The following HECTD4 variants were observed in gnomAD, a reference collection of about 807,000 sequenced individuals.
HECTD4 encodes probable E3 ubiquitin-protein ligase HECTD4.
A neutral mutation model predicts 471.5 loss-of-function variants in HECTD4; 114 were observed. The ratio of observed to expected loss-of-function variants is 0.24; its 90% confidence interval spans 0.21 to 0.28. HECTD4 has a LOEUF of 0.28. Ranked by LOEUF, HECTD4 falls within the 10% of genes least tolerant of loss-of-function variation. The probability of loss-of-function intolerance (pLI) is 1.00; values close to 1 mark genes in which losing one functional copy is unlikely to be tolerated. For missense variants in HECTD4, 3,866 were observed against 5,651.5 expected, an observed-to-expected ratio of 0.68 and a Z score of 10.13; for synonymous variants, 2,012 against 2,256.0, an observed-to-expected ratio of 0.89 and a Z score of 3.07.
At chr12:112,186,919 C>T (rs2031887116) in intron 60 of HECTD4, among the ~76,000 whole-genome samples, 1 of 152,144 alleles carries the variant, frequency 6.6e-6, no homozygotes, top group Non-Finnish European at 1.5e-5. Context: ...CCGTGTGCCT[C>T]AGCCTCCCAA....
intron 55 of HECTD4, among the ~76,000 whole-genome samples, chr12:112,199,217 T>G (rs1036883870): frequency 2.6e-5 from 4 of 152,222 alleles, no homozygotes; most frequent in African/African-American, 9.6e-5. Context: ...AGGACCCCTG[T>G]TGAAGAAACA....
intron 54 of HECTD4, chr12:112,203,336 A>G (rs1484905034): frequency 1.3e-5 from 3 of 232,172 alleles, no homozygotes; most frequent in Non-Finnish European, 2.5e-5. Flanking sequence ...ACTTGGGTAG[A>G]TATAATGCAG....
chr12:112,265,825 AACTAACG>A, intron 15 of HECTD4, 46 bp downstream of exon 15: 2 of 1,340,890 alleles, frequency 1.5e-6, no homozygotes, highest in Non-Finnish European at 2.1e-6. Context: ...TTTAAATGTA[AACTAACG>A]ACTGAGAACA....
intron 1 of HECTD4, among the ~76,000 whole-genome samples, chr12:112,366,874 C>CT (rs1411735365): frequency 7.3e-6 from 1 of 137,312 alleles, no homozygotes; most frequent in Non-Finnish European, 1.5e-5. Context: ...GAGTGAAACT[C>CT]TGTCTCAAAA....
chr12:112,370,364 C>T (rs1179813224), intron 1 of HECTD4, among the ~76,000 whole-genome samples: 1 of 152,042 alleles, frequency 6.6e-6, no homozygotes, highest in African/African-American at 2.4e-5. Flanking sequence ...CCTTAAGCCA[C>T]GAAATTTGTG....
chr12:112,339,028 A>C (rs539443749), intron 1 of HECTD4, among the ~76,000 whole-genome samples: 9 of 152,144 alleles, frequency 5.9e-5, no homozygotes, highest in African/African-American at 2.2e-4. Flanking sequence ...ACCATATAGG[A>C]TAACATTTAC....
chr12:112,197,114 G>T (rs1040448359), intron 55 of HECTD4, among the ~76,000 whole-genome samples: 1 of 151,866 alleles, frequency 6.6e-6, no homozygotes, highest in African/African-American at 2.4e-5. Flanking sequence ...GTCTCTCTAT[G>T]TTGCCCAGAC....
Position 112,230,699 on chromosome 12 carries a change from T to G in HECTD4, c.6324A>C (p.Thr2108=), listed in dbSNP as rs774493536. The change falls in exon 40 of 76, where the codon ACA becomes ACC. Residue 2108 remains threonine, a synonymous_variant. Transcript: ENST00000682272. ...ACACTGCGCTAACCTTCTCTGCTGT[T>G]GTGGTCCATATTTGAGCAGCATTTG... ...PESNAAQIWT[T]TAEKVLSRAL... 1.9e-6 allele frequency: 3 copies of G among 1,610,654 alleles called. No homozygotes were observed. Among genetic ancestry groups the G allele is most frequent in the Non-Finnish European group, 2.5e-6 (3 of 1,178,366 alleles).
chr12:112,300,594 G>A (rs1275641061), intron 7 of HECTD4, among the ~76,000 whole-genome samples: 1 of 152,038 alleles, frequency 6.6e-6, no homozygotes, highest in Non-Finnish European at 1.5e-5. Context: ...AGTCTTTCCT[G>A]TATTGTTTCT....
In HECTD4 at chr12:112,162,764, G is replaced by GT; in HGVS notation, c.13121-242dup. On this transcript the variant is annotated intron_variant, in intron 75 of 75. Coordinates refer to ENST00000682272, the MANE Select transcript of HECTD4 (RefSeq NM_001388303.1). This position sits in a 1 kb window ranked among gnomAD's most constrained non-coding sequence, Gnocchi z 5.2. ...GATGGGTTTGTCTGCCCAGCAAATT[G>GT]TTTCTTTTTTTTTTTTTTTAACCAT... 5 of 524,584 alleles carry GT rather than the reference G, an allele frequency of 9.5e-6. No individual in the cohort carries two copies. The highest frequency in any genetic ancestry group is 3.0e-5 in the South Asian group (1 of 33,364). 32.5% of individuals were successfully genotyped at this position (524,584 alleles called of 1,614,324 possible). A position where few individuals can be genotyped will look rare whatever the true frequency, so the allele number is the denominator to read the frequency against.
intron 4 of HECTD4, among the ~76,000 whole-genome samples, chr12:112,309,898 G>A (rs1765633933): frequency 6.6e-6 from 1 of 152,154 alleles, no homozygotes; most frequent in Non-Finnish European, 1.5e-5. Context: ...GTTACCAGCA[G>A]GGGAATGTGG....
chr12:112,210,232 G>A lies in HECTD4; in HGVS notation c.7650C>T (p.Asn2550=). Residue 2550 remains asparagine (N), a synonymous_variant, in exon 50 of 76, where the codon AAC becomes AAT. Transcript: ENST00000682272. ...CGTAGGCAAACGGCCGGGAGCCAAA[G>A]TTAGCTCGGGTTTTGGTGTTCTGGA... The part of the protein sequence containing the change: ...IQKKNTKTRA[N]FGSRPFAYAE... The A allele has an allele frequency of 6.2e-7, 1 of 1,613,926 alleles. No individual in the cohort carries two copies.
At chr12:112,216,501 G>T in intron 47 of HECTD4, 130 bp from the exon 48 acceptor site, 1 of 687,926 alleles carries the variant, frequency 1.5e-6, no homozygotes. Context: ...TATCACTTTA[G>T]TATTAAAATA....
chr12:112,172,835 G>A lies in HECTD4; in HGVS notation c.11621C>T (p.Ala3874Val). Residue 3874 changes from alanine (A) to valine (V), a missense_variant, in exon 67 of 76, where the codon GCA (alanine) becomes GTA (valine). Physicochemically the swap from Ala to Val is moderately conservative, Grantham distance 64. Transcript: ENST00000682272. ...ERCACIDVRH[A>V]QKASRKWTLE... ...GGTCCACTTTCTTGAGGCCTTCTGTGCATGTCGGACATCGATGCATGCGCA... is the reference window on the plus strand; with the variant it reads ...GGTCCACTTTCTTGAGGCCTTCTGTACATGTCGGACATCGATGCATGCGCA... The A allele has an allele frequency of 1.2e-6, 2 of 1,613,984 alleles. No individual in the cohort carries two copies. The highest frequency in any genetic ancestry group is 1.7e-6 in the Non-Finnish European group (2 of 1,179,886).
Position 112,179,030 on chromosome 12 carries a change from C to T in HECTD4, c.11264G>A (p.Ser3755Asn), listed in dbSNP as rs1191031434. Residue 3755 changes from serine (S) to asparagine (N), a missense_variant, in exon 64 of 76, where the codon AGC (serine) becomes AAC (asparagine). By Grantham distance (46) the Ser-to-Asn change is conservative. Around this residue, in one of 16 missense-constraint regions of HECTD4, gnomAD observed 715 missense variants for 1,087.6 expected, o/e 0.66. Transcript: ENST00000682272. The surrounding 1 kb of genome is among the most constrained non-coding windows in gnomAD (Gnocchi z 4.3). Reference protein sequence around the residue: ...PKPKFDKSKYSKAGKEQHPVK... With the variant: ...PKPKFDKSKYNKAGKEQHPVK... The stretch of plus-strand genomic sequence containing the variant: ...GGGGTGCTGCTCCTTCCCGGCCTTG[C>T]TGTACTTGCTCTTGTCAAACTTGGG... 1 of 1,613,780 alleles carries T rather than the reference C, an allele frequency of 6.2e-7. No individual in the cohort carries two copies. The highest frequency in any genetic ancestry group is 8.5e-7 in the Non-Finnish European group (1 of 1,179,878).
intron 45 of HECTD4, among the ~76,000 whole-genome samples, chr12:112,218,475 C>T (rs2032995790): frequency 6.6e-6 from 1 of 152,166 alleles, no homozygotes; most frequent in Non-Finnish European, 1.5e-5. Flanking sequence ...TTTACCTGCA[C>T]TAGACATTTC....
chr12:112,184,287 T>G lies in HECTD4; in HGVS notation c.10679A>C (p.Glu3560Ala). Residue 3560 changes from glutamate to alanine, a missense_variant, in exon 61 of 76, where the codon GAG (glutamate) becomes GCG (alanine). Coordinates refer to ENST00000682272, the MANE Select transcript of HECTD4 (RefSeq NM_001388303.1). This position sits in a 1 kb window ranked among gnomAD's most constrained non-coding sequence, Gnocchi z 9.1. ...GSLGEPLDNAETASVSDMGSM... is the reference protein window; with the variant it reads ...GSLGEPLDNAATASVSDMGSM... ...GCCCATGTCCGACACCGAGGCCGTC[T>G]CTGCATTGTCCAGGGGCTCCCCCAG... 2 of 1,613,556 alleles carry G rather than the reference T, an allele frequency of 1.2e-6. No homozygotes were observed. The highest frequency in any genetic ancestry group is 1.7e-6 in the Non-Finnish European group (2 of 1,179,834).
chr12:112,252,180 A>G (rs981168830), intron 23 of HECTD4, among the ~76,000 whole-genome samples: 1 of 152,110 alleles, frequency 6.6e-6, no homozygotes, highest in Non-Finnish European at 1.5e-5. Context: ...CACCTCCCCA[A>G]ACTTTGAAGA....
chr12:112,219,073 T>C (rs1286901311), intron 45 of HECTD4, among the ~76,000 whole-genome samples: 1 of 152,138 alleles, frequency 6.6e-6, no homozygotes, highest in Non-Finnish European at 1.5e-5. Context: ...TTCTCTGTTA[T>C]GAAACTGACT....
Sources: gnomAD v4.1 joint callset for allele counts (sites outside exome capture counted in the v4.1 genomes callset) on GRCh38, gnomAD v4.1.1 for gene constraint, gnomAD v4.1.1 regional missense constraint, Gnocchi (gnomAD v3.1) non-coding constraint, MANE v1.5 for transcripts, NCBI Gene and HGNC (gene_info 2026-07-23, HGNC 2026-07-21) for gene names.